Variants in CNTNAP2 observed in about 807,000 individuals in gnomAD.
CNTNAP2 encodes the protein contactin associated protein 2, also known as contactin-associated protein-like 2.
Under a neutral mutation model 155.2 loss-of-function variants are expected in CNTNAP2, and 98 were observed. That is an observed-to-expected ratio of 0.63 (90% CI 0.54 to 0.75). CNTNAP2 has a LOEUF of 0.75. Ranked by LOEUF, CNTNAP2 falls within the 30% of genes least tolerant of loss-of-function variation. The pLI, the probability that CNTNAP2 is intolerant of heterozygous loss-of-function variation, is 0.00. For missense variants in CNTNAP2, 1,727 were observed against 1,688.1 expected, an observed-to-expected ratio of 1.02 and a Z score of -0.40; for synonymous variants, 651 against 631.2, an observed-to-expected ratio of 1.03 and a Z score of -0.47.
At chr7:146,125,530 C>T (rs896213148) in intron 1 of CNTNAP2, among the ~76,000 whole-genome samples, 1 of 140,216 alleles carries the variant, frequency 7.1e-6, no homozygotes, top group Non-Finnish European at 1.5e-5. Flanking sequence ...GAGCCGAGAT[C>T]GCGCCACTGC....
At chr7:147,232,127 G>GAAGA (rs1210964732) in intron 8 of CNTNAP2, among the ~76,000 whole-genome samples, 2 of 152,178 alleles carry the variant, frequency 1.3e-5, no homozygotes, top group Non-Finnish European at 2.9e-5. Context: ...CCAAGAAGGT[G>GAAGA]AAGATCTGTA....
intron 21 of CNTNAP2, among the ~76,000 whole-genome samples, chr7:148,303,712 A>T (rs1243279861): frequency 6.6e-6 from 1 of 152,212 alleles, no homozygotes; most frequent in African/African-American, 2.4e-5. Flanking sequence ...AATTGTCCTT[A>T]TTGTCCTAAT....
rs147557649 is a variant in CNTNAP2, at chr7:147,685,622, G to A, written c.2098+46316G>A. On this transcript the variant is annotated intron_variant, in intron 13 of 23. Coordinates refer to ENST00000361727, the MANE Select transcript of CNTNAP2 (RefSeq NM_014141.6). The stretch of plus-strand genomic sequence containing the variant: ...GTGAAAAAAAAACAGATGACAAATC[G>A]TCACCTTCTAAAGCTTATATTCTAC... 2.8e-3 allele frequency among the ~76,000 whole-genome samples: 418 copies of A among 151,726 alleles called. 1 individual carries two copies. Among genetic ancestry groups the A allele is most frequent in the Non-Finnish European group, 4.5e-3 (307 of 67,870 alleles).
chr7:147,182,255 C>G (rs959678772), intron 8 of CNTNAP2, among the ~76,000 whole-genome samples: 2 of 151,778 alleles, frequency 1.3e-5, no homozygotes, highest in Non-Finnish European at 2.9e-5. Context: ...TGTGATAGTA[C>G]AGCCCATTAA....
At chr7:146,663,376 T>A (rs1800130469) in intron 1 of CNTNAP2, among the ~76,000 whole-genome samples, 6 of 151,964 alleles carry the variant, frequency 3.9e-5, no homozygotes. Context: ...TTCTCATTTT[T>A]TTTTTAATTC....
At chr7:147,008,731 A>G (rs1798570571) in intron 3 of CNTNAP2, among the ~76,000 whole-genome samples, 1 of 152,192 alleles carries the variant, frequency 6.6e-6, no homozygotes, top group South Asian at 2.1e-4. Context: ...GCGGCCAGCA[A>G]ATTGTGGAAA....
intron 3 of CNTNAP2, among the ~76,000 whole-genome samples, chr7:146,980,137 A>G (rs183055066): frequency 2.4e-4 from 37 of 152,222 alleles, no homozygotes; most frequent in Admixed American, 2.4e-3. Context: ...CAGGCAGAGG[A>G]GGATGAAAAT....
At chr7:148,050,805 G>C (rs2116494035) in intron 15 of CNTNAP2, among the ~76,000 whole-genome samples, 1 of 152,174 alleles carries the variant, frequency 6.6e-6, no homozygotes, top group Admixed American at 6.5e-5. Flanking sequence ...CTTTTTCTAT[G>C]TTTAGATATA....
At chr7:148,410,959 C>T (rs1485615700) in intron 23 of CNTNAP2, among the ~76,000 whole-genome samples, 1 of 152,106 alleles carries the variant, frequency 6.6e-6, no homozygotes, top group African/African-American at 2.4e-5. Flanking sequence ...ACCACTATTC[C>T]TTATATACGT....
intron 9 of CNTNAP2, among the ~76,000 whole-genome samples, chr7:147,326,463 T>A (rs547823600): frequency 6.6e-6 from 1 of 152,350 alleles, no homozygotes; most frequent in Non-Finnish European, 1.5e-5. Flanking sequence ...TTGCGGTGTT[T>A]CTGCTGTTTC....
intron 8 of CNTNAP2, among the ~76,000 whole-genome samples, chr7:147,155,814 T>C (rs564700826): frequency 6.6e-6 from 1 of 152,152 alleles, no homozygotes; most frequent in South Asian, 2.1e-4. Flanking sequence ...CCCTGAGAAG[T>C]TGATGTTGCC....
chr7:146,509,265 C>T (rs967529338), intron 1 of CNTNAP2, among the ~76,000 whole-genome samples: 5 of 152,204 alleles, frequency 3.3e-5, no homozygotes, highest in Non-Finnish European at 5.9e-5. Context: ...ATCAGCCATT[C>T]AATTATGGTG....
At chr7:147,006,207 T>C (rs1047537574) in intron 3 of CNTNAP2, among the ~76,000 whole-genome samples, 1 of 152,012 alleles carries the variant, frequency 6.6e-6, no homozygotes, top group Non-Finnish European at 1.5e-5. Context: ...AAAAAGCGTT[T>C]TGGGCTTCTG....
At chr7:147,083,548 ATG>A (rs909838362) in intron 4 of CNTNAP2, among the ~76,000 whole-genome samples, 2 of 117,844 alleles carry the variant, frequency 1.7e-5, no homozygotes, top group Non-Finnish European at 1.7e-5. Flanking sequence ...ATATATATAT[ATG>A]TATATATATA....
chr7:148,073,196 T>A (rs887848525), intron 15 of CNTNAP2, among the ~76,000 whole-genome samples: 2 of 152,088 alleles, frequency 1.3e-5, no homozygotes, highest in Non-Finnish European at 2.9e-5. Context: ...ATACACCGCA[T>A]AAAATATGAG....
At chr7:147,774,995 T>C (rs777725851) in intron 13 of CNTNAP2, among the ~76,000 whole-genome samples, 1 of 151,658 alleles carries the variant, frequency 6.6e-6, no homozygotes, top group African/African-American at 2.4e-5. Context: ...TGCTGACTCT[T>C]ATACCACTCT....
At chr7:147,439,551 T>C (rs1797604622) in intron 10 of CNTNAP2, among the ~76,000 whole-genome samples, 1 of 151,996 alleles carries the variant, frequency 6.6e-6, no homozygotes. Flanking sequence ...GAATGTACAT[T>C]CTGTAGCCGT....
chr7:146,928,626 G>A (rs879877426), intron 3 of CNTNAP2, among the ~76,000 whole-genome samples: 1 of 152,194 alleles, frequency 6.6e-6, no homozygotes, highest in Non-Finnish European at 1.5e-5. Context: ...GCCGAAGCAG[G>A]GCGAGGCATT....
intron 1 of CNTNAP2, among the ~76,000 whole-genome samples, chr7:146,611,239 A>G (rs1268349077): frequency 6.6e-6 from 1 of 152,082 alleles, no homozygotes; most frequent in African/African-American, 2.4e-5. Context: ...GGCGAACCCC[A>G]TTAGGCCCAG....
Sources: allele counts gnomAD v4.1 joint callset (sites outside exome capture counted in the v4.1 genomes callset), GRCh38; gene constraint gnomAD v4.1.1; transcripts MANE v1.5; gene names NCBI Gene and HGNC (gene_info 2026-07-23, HGNC 2026-07-21).